SEC23B: variants seen among roughly 807,000 people sequenced by gnomAD.
The protein encoded by SEC23B is SEC23 homolog B, COPII component.
SEC23B carries 77 observed loss-of-function variants against 104.3 expected under a neutral mutation model. The ratio of observed to expected loss-of-function variants is 0.74; its 90% CI spans 0.61 to 0.89. SEC23B has a LOEUF of 0.89. SEC23B is among the 40% of genes least tolerant of loss of function. The pLI, the probability that SEC23B is intolerant of heterozygous loss-of-function variation, is 0.00. For synonymous variants in SEC23B, 338 were observed against 332.5 expected (o/e 1.02, Z -0.18); for missense variants, 885 against 949.4 (o/e 0.93, Z 0.89).
At chr20:18,547,046 A>G (rs959376721) in intron 15 of SEC23B, among the ~76,000 whole-genome samples, 5 of 151,864 alleles carry the variant, frequency 3.3e-5, no homozygotes, top group Non-Finnish European at 5.9e-5. Context: ...GGGTCCCACC[A>G]GAGCCCTCAT....
At chr20:18,554,456 T>C (rs1404350663) in intron 18 of SEC23B, 66 bp downstream of exon 18, 3 of 1,533,184 alleles carry the variant, frequency 2.0e-6, no homozygotes, top group African/African-American at 1.4e-5. Context: ...TTGCTATACA[T>C]CTAAACAGGA....
At chr20:18,529,732 A>G (rs754665955) in intron 9 of SEC23B, among the ~76,000 whole-genome samples, 15 of 152,382 alleles carry the variant, frequency 9.8e-5, no homozygotes, top group South Asian at 6.2e-4. Context: ...ACAGAGGCAC[A>G]TGGCCATAGG....
intron 18 of SEC23B, 22 bp downstream of exon 18, chr20:18,554,412 T>C (rs1176956241): frequency 6.2e-7 from 1 of 1,613,872 alleles, no homozygotes; most frequent in Non-Finnish European, 8.5e-7. Context: ...GAGTTCTAAC[T>C]CCAGTGGTTT....
intron 16 of SEC23B, among the ~76,000 whole-genome samples, chr20:18,549,514 C>G (rs140923809): frequency 4.6e-5 from 7 of 151,224 alleles, no homozygotes; most frequent in Admixed American, 4.6e-4. Flanking sequence ...CCCACCGATA[C>G]GGAGGGCCAA....
chr20:18,524,302 G>A, intron 4 of SEC23B, 131 bp from the exon 5 acceptor site: 1 of 755,242 alleles, frequency 1.3e-6, no homozygotes, highest in East Asian at 2.5e-5. Flanking sequence ...TTAGAGCTTT[G>A]TATAGATGTC....
chr20:18,524,476 C>T lies in SEC23B; in HGVS notation c.410C>T (p.Thr137Ile), dbSNP rs145716758. 6 of 1,614,056 alleles carry T rather than the reference C, an allele frequency of 3.7e-6. No homozygotes were observed. In the African/African-American group the frequency reaches 8.0e-5, roughly 22 times the overall value. Reference sequence around the variant, plus strand: ...CTGATCTTTCTCTATGTGGTTGACACATGCCTGGAGGAAGATGACCTTCAA... The same window carrying T: ...CTGATCTTTCTCTATGTGGTTGACATATGCCTGGAGGAAGATGACCTTCAA... ...SPLIFLYVVD[T>I]CLEEDDLQAL... The change falls in exon 5 of 20, where the codon ACA (threonine) becomes ATA (isoleucine). Residue 137 changes from threonine to isoleucine, a missense_variant. Thr to Ile is a moderately conservative substitution (Grantham distance 89). Coordinates refer to ENST00000650089, the MANE Select transcript of SEC23B (RefSeq NM_006363.6).
At chr20:18,528,678 G>A (rs1376450903) in intron 9 of SEC23B, among the ~76,000 whole-genome samples, 1 of 152,202 alleles carries the variant, frequency 6.6e-6, no homozygotes, top group African/African-American at 2.4e-5. Flanking sequence ...GATAGAATTA[G>A]GGTCCCAAAT....
chr20:18,551,087 A>T lies in SEC23B; in HGVS notation c.1906-2A>T. ...GCCATCTTTCTCTCTCTTTTTCTTC[A>T]GCCAGTACTCTTGGATAGCAGCAGC... On this transcript the variant is annotated splice_acceptor_variant, in intron 16 of 19. Coordinates refer to ENST00000650089, the MANE Select transcript of SEC23B (RefSeq NM_006363.6). LOFTEE classifies it high-confidence loss of function. The T allele has an allele frequency of 2.5e-6, 4 of 1,597,590 alleles. No individual in the cohort carries two copies. Among genetic ancestry groups the T allele is most frequent in the Non-Finnish European group, 3.4e-6 (4 of 1,170,584 alleles).
chr20:18,526,311 A>C (rs1003185435), intron 7 of SEC23B, 62 bp from the exon 8 acceptor site: 1 of 1,577,114 alleles, frequency 6.3e-7, no homozygotes, highest in African/African-American at 1.4e-5. Flanking sequence ...CTATTGGGAA[A>C]CTGAAACCAT....
At position 18,524,609 on chromosome 20, in the gene SEC23B, A is replaced by G; in HGVS notation, c.543A>G (p.Glu181=). ...TGCAGGTTCATGAGCTAAGCTGTGA[A>G]GGAATCTCCAAAAGTTATGTCTTCC... is the stretch of plus-strand genomic sequence containing the variant. ...RMVQVHELSC[E]GISKSYVFRG... Residue 181 remains glutamate, a synonymous_variant, in exon 5 of 20, where the codon GAA becomes GAG. Transcript: ENST00000650089. 6.2e-7 allele frequency: 1 copy of G among 1,614,244 alleles called. No individual in the cohort carries two copies. The highest frequency in any genetic ancestry group is 8.5e-7 in the Non-Finnish European group (1 of 1,180,050).
At chr20:18,538,801 A>C (rs1197737704) in intron 12 of SEC23B, among the ~76,000 whole-genome samples, 7 of 152,144 alleles carry the variant, frequency 4.6e-5, no homozygotes, top group African/African-American at 1.4e-4. Flanking sequence ...CATCTCAACA[A>C]ATGACTTTCT....
At position 18,526,539 on chromosome 20, in the gene SEC23B, C is replaced by G. The variant is rs768131736; in HGVS notation, c.993+8C>G. 24 of 1,613,944 alleles carry G rather than the reference C, an allele frequency of 1.5e-5. No individual in the cohort carries two copies. The East Asian group carries it at 5.1e-4, about 34-fold the overall frequency. ...ATGAAAAAGGCAACCAAGGTAGGTG[C>G]TCTTGGGTATGGGCTGTAATTCTGA... On this transcript the variant is annotated splice_region_variant and intron_variant, in intron 8 of 19. Coordinates refer to ENST00000650089, the MANE Select transcript of SEC23B (RefSeq NM_006363.6).
chr20:18,560,623 C>G, intron 19 of SEC23B, 28 bp from the exon 20 acceptor site: 1 of 1,557,880 alleles, frequency 6.4e-7, no homozygotes, highest in South Asian at 1.1e-5. Context: ...AAGATATCTG[C>G]CAACTAATCT....
At chr20:18,553,079 G>A (rs545273792) in intron 17 of SEC23B, among the ~76,000 whole-genome samples, 48 of 152,288 alleles carry the variant, frequency 3.2e-4, no homozygotes, top group African/African-American at 9.4e-4. Context: ...TCTCCTTATC[G>A]ACATTTCTTT....
chr20:18,550,342 A>C (rs2060376663), intron 16 of SEC23B, among the ~76,000 whole-genome samples: 1 of 151,918 alleles, frequency 6.6e-6, no homozygotes, highest in Non-Finnish European at 1.5e-5. Context: ...TTTTTGGTAG[A>C]GATGGGGTTT....
intron 3 of SEC23B, among the ~76,000 whole-genome samples, chr20:18,513,075 T>G (rs1053865319): frequency 6.6e-6 from 1 of 152,158 alleles, no homozygotes; most frequent in Non-Finnish European, 1.5e-5. Context: ...TCTTAGCTAC[T>G]CAGGAGGCTG....
intron 17 of SEC23B, among the ~76,000 whole-genome samples, 158 bp downstream of exon 17, chr20:18,551,333 C>G (rs2060385342): frequency 1.3e-5 from 2 of 152,080 alleles, no homozygotes; most frequent in South Asian, 4.1e-4. Context: ...ACATTTGTAA[C>G]CACAGTTTGG....
At chr20:18,511,506 T>C (rs1600224861) in intron 2 of SEC23B, among the ~76,000 whole-genome samples, 1 of 7,690 alleles carries the variant, frequency 1.3e-4, no homozygotes, top group South Asian at 0.05. Flanking sequence ...TTAAGTGTAA[T>C]TTTTTTTTTT....
intron 14 of SEC23B, among the ~76,000 whole-genome samples, chr20:18,543,797 C>A (rs967035556): frequency 9.2e-5 from 14 of 152,124 alleles, no homozygotes; most frequent in African/African-American, 3.1e-4. Flanking sequence ...TGGTGCTGTG[C>A]CAGGGGAACT....
Sources: allele counts gnomAD v4.1 joint callset (sites outside exome capture counted in the v4.1 genomes callset), GRCh38; gene constraint gnomAD v4.1.1; transcripts MANE v1.5; gene names NCBI Gene and HGNC (gene_info 2026-07-23, HGNC 2026-07-21).